TCN2: variants seen among roughly 807,000 people sequenced by gnomAD.
TCN2 encodes transcobalamin 2.
TCN2 carries 34 observed loss-of-function variants against 48.6 expected under a neutral mutation model. That is an observed-to-expected ratio of 0.70 (90% CI 0.53 to 0.93). The LOEUF is 0.93. TCN2 is among the 40% of genes least tolerant of loss of function. TCN2 has a pLI of 0.00. For missense variants in TCN2, 652 were observed against 526.1 expected, an observed-to-expected ratio of 1.24 and a Z score of -2.34; for synonymous variants, 283 against 212.5, an observed-to-expected ratio of 1.33 and a Z score of -2.89.
At chr22:30,611,622 C>T (rs978925656) in intron 2 of TCN2, among the ~76,000 whole-genome samples, 3 of 152,232 alleles carry the variant, frequency 2.0e-5, no homozygotes, top group Admixed American at 6.5e-5. Context: ...ATTCTCGTGC[C>T]TCAGCCACCT....
At chr22:30,626,349 C>T (rs2087809429) in intron 8 of TCN2, 111 bp from the exon 9 acceptor site, 1 of 1,163,730 alleles carries the variant, frequency 8.6e-7, no homozygotes, top group Non-Finnish European at 1.3e-6. Flanking sequence ...CCACCAAGCC[C>T]CAGGTGGATT....
rs774829476 is a variant in TCN2 at position 30,611,064 on chromosome 22, G to GTAT, written c.257+3_257+5dup. 1 of 1,614,008 alleles carries GTAT rather than the reference G, an allele frequency of 6.2e-7. No individual in the cohort carries two copies. The highest frequency in any genetic ancestry group is 8.5e-7 in the Non-Finnish European group (1 of 1,179,976). On this transcript the variant is annotated splice_donor_variant, in intron 2 of 8. Coordinates refer to ENST00000215838, the MANE Select transcript of TCN2 (RefSeq NM_000355.4). LOFTEE classifies it high-confidence loss of function. ...TTGGTTACCAGCAGTGCCTCCTAGGGTATTGCCACACTCTCTTTTTCCATG... is the reference window on the plus strand; with the variant it reads ...TTGGTTACCAGCAGTGCCTCCTAGGGTATTATTGCCACACTCTCTTTTTCCATG...
At chr22:30,624,728 A>G (rs2087778299) in intron 8 of TCN2, among the ~76,000 whole-genome samples, 5 of 152,166 alleles carry the variant, frequency 3.3e-5, no homozygotes, top group Admixed American at 2.6e-4. Flanking sequence ...TCTAGAAGGA[A>G]GCCCGCTCCC....
intron 7 of TCN2, chr22:30,617,756 T>C (rs1391999121): frequency 5.9e-6 from 3 of 504,498 alleles, no homozygotes; most frequent in Non-Finnish European, 1.1e-5. Context: ...AGGTTCCAGG[T>C]AGGCACCCAC....
At chr22:30,626,229 C>A (rs560733115) in intron 8 of TCN2, among the ~76,000 whole-genome samples, 1 of 152,162 alleles carries the variant, frequency 6.6e-6, no homozygotes, top group South Asian at 2.1e-4. Flanking sequence ...AAGACAGTGG[C>A]CCTGCCTGTC....
At chr22:30,621,986 GTTTGT>G (rs757825437) in intron 7 of TCN2, among the ~76,000 whole-genome samples, 11 of 152,258 alleles carry the variant, frequency 7.2e-5, no homozygotes, top group African/African-American at 9.6e-5. Context: ...GGCCCACGGA[GTTTGT>G]TTTGTTTTGT....
Position 30,621,338 on chromosome 22 carries a change from G to A in TCN2, c.1107-1630G>A, listed in dbSNP as rs146925023. ...AAATCCCTCTAAGACTGCAACCATC[G>A]ATAACTTAGGGCTGTATTACCCCAG... On this transcript the variant is annotated intron_variant, in intron 7 of 8. Coordinates refer to ENST00000215838, the MANE Select transcript of TCN2 (RefSeq NM_000355.4). 2.6e-5 allele frequency among the ~76,000 whole-genome samples: 4 copies of A among 152,138 alleles called. No individual in the cohort carries two copies. In the East Asian group the frequency reaches 5.8e-4, roughly 22 times the overall value.
intron 8 of TCN2, among the ~76,000 whole-genome samples, chr22:30,623,803 T>TATATAAAC (rs57088816): frequency 1.6e-5 from 1 of 61,600 alleles, no homozygotes; most frequent in Non-Finnish European, 2.6e-5. Context: ...TATACACACA[T>TATATAAAC]ACACATATAT....
In TCN2 at chr22:30,617,245, G is replaced by C. The variant is rs2087623939; in HGVS notation, c.941-85G>C. 3 of 1,576,362 alleles carry C rather than the reference G, an allele frequency of 1.9e-6. No individual in the cohort carries two copies. The Admixed American group carries it at 5.1e-5, about 27-fold the overall frequency. The stretch of plus-strand genomic sequence containing the variant: ...AGGACATGGGGAAGGACAAAGTCCA[G>C]GTGTCCTTGAGGGAAGACAAGAAGA... On this transcript the variant is annotated intron_variant, in intron 6 of 8. Transcript: ENST00000215838.
chr22:30,615,810 C>T, intron 6 of TCN2, 23 bp downstream of exon 6: 1 of 1,613,936 alleles, frequency 6.2e-7, no homozygotes. Context: ...TTTGTGGAAG[C>T]ACAGCCCTTT....
In TCN2 at chr22:30,620,596, C is replaced by G. The variant is rs563971264; in HGVS notation, c.1107-2372C>G. 2.0e-5 allele frequency among the ~76,000 whole-genome samples: 3 copies of G among 152,346 alleles called. No homozygotes were observed. In the South Asian group the frequency reaches 6.2e-4, roughly 32 times the overall value. ...TGATGGCCACGCATAGGCTGAGTGCCCTTGGGAGGGCTCAGACCCACAGAC... is the reference window on the plus strand; with the variant it reads ...TGATGGCCACGCATAGGCTGAGTGCGCTTGGGAGGGCTCAGACCCACAGAC... On this transcript the variant is annotated intron_variant, in intron 7 of 8. Coordinates refer to ENST00000215838, the MANE Select transcript of TCN2 (RefSeq NM_000355.4).
At chr22:30,607,942 C>A (rs1367306140) in intron 1 of TCN2, among the ~76,000 whole-genome samples, 1 of 152,078 alleles carries the variant, frequency 6.6e-6, no homozygotes, top group African/African-American at 2.4e-5. Flanking sequence ...GGAGCTGAAA[C>A]TCGAAGGAAG....
At chr22:30,616,986 G>A (rs1396440609) in intron 6 of TCN2, among the ~76,000 whole-genome samples, 1 of 152,164 alleles carries the variant, frequency 6.6e-6, no homozygotes, top group Non-Finnish European at 1.5e-5. Context: ...ACAGAGATGC[G>A]TTGTGAACAA....
At chr22:30,624,493 TTA>T (rs1324474900) in intron 8 of TCN2, among the ~76,000 whole-genome samples, 1 of 152,144 alleles carries the variant, frequency 6.6e-6, no homozygotes, top group African/African-American at 2.4e-5. Flanking sequence ...TGGCGAGTGC[TTA>T]TAGAGAAGGT....
At chr22:30,618,753 C>T (rs748173483) in intron 7 of TCN2, among the ~76,000 whole-genome samples, 1 of 152,146 alleles carries the variant, frequency 6.6e-6, no homozygotes, top group African/African-American at 2.4e-5. Context: ...ACAGGGACTA[C>T]AGGCATGCAC....
intron 7 of TCN2, among the ~76,000 whole-genome samples, chr22:30,619,287 C>G (rs577941532): frequency 6.6e-6 from 1 of 152,184 alleles, no homozygotes; most frequent in African/African-American, 2.4e-5. Context: ...TTCATGTTGC[C>G]CAGACTGGTC....
intron 1 of TCN2, among the ~76,000 whole-genome samples, chr22:30,608,947 A>G (rs1376980884): frequency 1.3e-5 from 2 of 152,086 alleles, no homozygotes; most frequent in Non-Finnish European, 2.9e-5. Flanking sequence ...ATCTGCACTG[A>G]GTCACTTAAT....
At position 30,623,388 on chromosome 22, in the gene TCN2, T is replaced by C. The variant is rs1183578105; in HGVS notation, c.1222+305T>C. 3 of 309,574 alleles carry C rather than the reference T, an allele frequency of 9.7e-6. No homozygotes were observed. In the East Asian group the frequency reaches 2.4e-4, roughly 25 times the overall value. 19.2% of individuals were successfully genotyped at this position (309,574 alleles called of 1,614,324 possible). ...TTATTTTGAGATGGAGTTTCGCTCT[T>C]GTTGCCCAGGCTGGAGTGCAGCGGT... On this transcript the variant is annotated intron_variant, in intron 8 of 8. Transcript: ENST00000215838.
intron 7 of TCN2, among the ~76,000 whole-genome samples, chr22:30,619,111 C>G (rs938528287): frequency 6.6e-6 from 1 of 152,162 alleles, no homozygotes; most frequent in African/African-American, 2.4e-5. Flanking sequence ...GGGTCTTACT[C>G]TGTCACCTAG....
Sources: allele counts gnomAD v4.1 joint callset (sites outside exome capture counted in the v4.1 genomes callset), GRCh38; gene constraint gnomAD v4.1.1; transcripts MANE v1.5; gene names NCBI Gene and HGNC (gene_info 2026-07-23, HGNC 2026-07-21).